RCSD1: variants seen among roughly 807,000 people sequenced by gnomAD.
RCSD1 encodes capZ-interacting protein.
RCSD1 carries 26 observed loss-of-function variants against 42.5 expected under a neutral mutation model. That is an observed-to-expected ratio of 0.61 (90% CI 0.45 to 0.85). The LOEUF (loss-of-function observed/expected upper bound fraction) is 0.85. Ranked by LOEUF, RCSD1 falls within the 40% of genes least tolerant of loss-of-function variation. The pLI is 0.00. For missense variants in RCSD1, 571 were observed against 528.3 expected (o/e 1.08, Z -0.79); for synonymous variants, 220 against 212.2 (o/e 1.04, Z -0.32).
Position 167,697,117 on chromosome 1 carries a change from A to G in RCSD1, c.493A>G (p.Ile165Val), listed in dbSNP as rs1193489592. 8.7e-6 allele frequency: 14 copies of G among 1,613,020 alleles called. No homozygotes were observed. The East Asian group carries it at 8.9e-5, about 10-fold the overall frequency. ...CYNKVRTRGS[I>V]KRRPPSRRFR... The stretch of plus-strand genomic sequence containing the variant: ...CTTCTAGGTGCGGACGAGGGGCTCA[A>G]TAAAAAGGCGCCCTCCCTCCAGGCG... Residue 165 changes from isoleucine to valine, a missense_variant, in exon 6 of 7, where the codon ATA becomes GTA. Physicochemically the swap from Ile to Val is conservative, Grantham distance 29 (BLOSUM62 3). Transcript: ENST00000367854.
rs549761487 is a variant in RCSD1 at position 167,672,334 on chromosome 1, T to C, written c.7-11566T>C. On this transcript the variant is annotated intron_variant, in intron 1 of 6. Transcript: ENST00000367854. ...ACCGACTGACTGTATTAGTTTCCTA[T>C]GGCTGCTGTGACAAATGTCCACCAA... 7.2e-5 allele frequency among the ~76,000 whole-genome samples: 11 copies of C among 152,348 alleles called. No individual in the cohort carries two copies. In the South Asian group the frequency reaches 2.3e-3, roughly 32 times the overall value.
At chr1:167,670,385 G>A (rs1441615941) in intron 1 of RCSD1, among the ~76,000 whole-genome samples, 2 of 148,354 alleles carry the variant, frequency 1.3e-5, no homozygotes, top group African/African-American at 5.0e-5. Context: ...CACTCGAGCT[G>A]TTCAGAGGCT....
At chr1:167,644,857 C>T (rs1009281560) in intron 1 of RCSD1, among the ~76,000 whole-genome samples, 2 of 152,260 alleles carry the variant, frequency 1.3e-5, no homozygotes, top group Non-Finnish European at 2.9e-5. Flanking sequence ...TGACATCAGT[C>T]CTGATCTTTC....
chr1:167,683,389 C>T (rs1659131230), intron 1 of RCSD1, among the ~76,000 whole-genome samples: 1 of 152,222 alleles, frequency 6.6e-6, no homozygotes, highest in Admixed American at 6.5e-5. Flanking sequence ...AGTTTGGCTC[C>T]CATCCACTGT....
chr1:167,674,840 T>C (rs1571695131), intron 1 of RCSD1, among the ~76,000 whole-genome samples: 1 of 152,218 alleles, frequency 6.6e-6, no homozygotes, highest in Non-Finnish European at 1.5e-5. Flanking sequence ...TTCCACTGTA[T>C]GGCTGTGTCA....
Position 167,652,070 on chromosome 1 carries a change from G to A in RCSD1, c.6+21641G>A, listed in dbSNP as rs567042020. On this transcript the variant is annotated intron_variant, in intron 1 of 6. Transcript: ENST00000367854. ...AGAGTCTTGCTCTGTCACCCAGGCT[G>A]GAGTGCAGTGGCACGATCTCAGCTC... Among the ~76,000 whole-genome samples, 5 of 148,870 alleles carry A rather than the reference G, an allele frequency of 3.4e-5. No homozygotes were observed. In the East Asian group the frequency reaches 9.9e-4, roughly 29 times the overall value.
Position 167,636,586 on chromosome 1 carries a change from T to G in RCSD1, c.6+6157T>G, listed in dbSNP as rs146529566. ...CATGCACTAGCTTCTTTTTGTTTTT[T>G]TTTGTTTGTTTGTTTGTTTTTAGAC... On this transcript the variant is annotated intron_variant, in intron 1 of 6. Coordinates refer to ENST00000367854, the MANE Select transcript of RCSD1 (RefSeq NM_052862.4). 2.7e-3 allele frequency among the ~76,000 whole-genome samples: 416 copies of G among 152,194 alleles called. 2 individuals are homozygous for G. Among genetic ancestry groups the G allele is most frequent in the African/African-American group, 7.6e-3 (317 of 41,522 alleles).
Position 167,690,139 on chromosome 1 carries a change from GTCTATTGCTACCTTTTA to G in RCSD1, c.270+24_270+40del. The G allele has an allele frequency of 1.2e-6, 2 of 1,611,762 alleles. No homozygotes were observed. Among genetic ancestry groups the G allele is most frequent in the Non-Finnish European group, 1.7e-6 (2 of 1,178,104 alleles). On this transcript the variant is annotated intron_variant, in intron 4 of 6. Coordinates refer to ENST00000367854, the MANE Select transcript of RCSD1 (RefSeq NM_052862.4). ...GCTTCAGGTAAGTGCAGAATTCATT[GTCTATTGCTACCTTTTA>G]TCTAACTCCACTTCTTATCCAAAAT... is the stretch of plus-strand genomic sequence containing the variant.
chr1:167,688,229 G>C (rs1345908370), intron 3 of RCSD1, among the ~76,000 whole-genome samples: 2 of 152,096 alleles, frequency 1.3e-5, no homozygotes, highest in Non-Finnish European at 2.9e-5. Flanking sequence ...TAAGGGGCAG[G>C]GTCCACTGAA....
In RCSD1 at chr1:167,630,389, G is replaced by C; in HGVS notation, c.-35G>C. The stretch of plus-strand genomic sequence containing the variant: ...ATCGTGAGCTCCGGCCCGGGCGAGC[G>C]GGTGCGTCTGCCGCAGAGTCGGCAC... On this transcript the variant is annotated 5_prime_UTR_variant, in exon 1 of 7. Transcript: ENST00000367854. The C allele has an allele frequency of 1.3e-6, 2 of 1,508,760 alleles. No homozygotes were observed. The highest frequency in any genetic ancestry group is 1.8e-6 in the Non-Finnish European group (2 of 1,124,184). 93.5% of individuals were successfully genotyped at this position (1,508,760 alleles called of 1,614,324 possible).
At chr1:167,681,300 T>C (rs1395955164) in intron 1 of RCSD1, among the ~76,000 whole-genome samples, 1 of 152,186 alleles carries the variant, frequency 6.6e-6, no homozygotes, top group African/African-American at 2.4e-5. Flanking sequence ...GTCACTTGCC[T>C]TCTCTGGGTT....
At chr1:167,676,224 AG>A (rs1413881475) in intron 1 of RCSD1, among the ~76,000 whole-genome samples, 1 of 152,232 alleles carries the variant, frequency 6.6e-6, no homozygotes, top group African/African-American at 2.4e-5. Context: ...GAACCCAGAC[AG>A]TCTGGCTCAA....
At chr1:167,649,060 G>A (rs1413489167) in intron 1 of RCSD1, among the ~76,000 whole-genome samples, 2 of 152,164 alleles carry the variant, frequency 1.3e-5, no homozygotes, top group Non-Finnish European at 2.9e-5. Flanking sequence ...AGAGATCTGT[G>A]CTCAGAACAC....
At chr1:167,660,555 G>A (rs1338972231) in intron 1 of RCSD1, among the ~76,000 whole-genome samples, 1 of 151,286 alleles carries the variant, frequency 6.6e-6, no homozygotes, top group African/African-American at 2.4e-5. Flanking sequence ...TTGAAGTCTT[G>A]GGCTCAAGTG....
At chr1:167,654,635 A>G (rs1280044260) in intron 1 of RCSD1, among the ~76,000 whole-genome samples, 1 of 152,184 alleles carries the variant, frequency 6.6e-6, no homozygotes, top group Non-Finnish European at 1.5e-5. Flanking sequence ...TTGATTATTT[A>G]GTAGGTAGTA....
At chr1:167,658,763 C>G (rs569088716) in intron 1 of RCSD1, among the ~76,000 whole-genome samples, 1 of 152,068 alleles carries the variant, frequency 6.6e-6, no homozygotes, top group African/African-American at 2.4e-5. Flanking sequence ...TCCTAATAAC[C>G]TGTTATGTGG....
At position 167,636,772 on chromosome 1, in the gene RCSD1, G is replaced by A. The variant is rs144605880; in HGVS notation, c.6+6343G>A. ...CGGCTAATTTTGTGTTTTTAGTAGA[G>A]ATGAGGTTTCACCATGTTGGTCAGG... On this transcript the variant is annotated intron_variant, in intron 1 of 6. Transcript: ENST00000367854. Among the ~76,000 whole-genome samples the A allele has an allele frequency of 4.9e-3, 751 of 152,156 alleles. 11 individuals carry two copies. The highest frequency in any genetic ancestry group is 0.017 in the African/African-American group (714 of 41,502).
intron 4 of RCSD1, among the ~76,000 whole-genome samples, chr1:167,691,432 T>C (rs1358161826): frequency 6.6e-6 from 1 of 152,206 alleles, no homozygotes; most frequent in African/African-American, 2.4e-5. Context: ...CGTGGGGGAA[T>C]GGCAGAAGCT....
At chr1:167,688,851 CCCT>C (rs1407579525) in intron 3 of RCSD1, among the ~76,000 whole-genome samples, 1 of 152,154 alleles carries the variant, frequency 6.6e-6, no homozygotes, top group Non-Finnish European at 1.5e-5. Context: ...ATGGGGAGAT[CCCT>C]CCTCTGCCTT....
Sources: gnomAD v4.1 joint callset for allele counts (sites outside exome capture counted in the v4.1 genomes callset) on GRCh38, gnomAD v4.1.1 for gene constraint, MANE v1.5 for transcripts, NCBI Gene and HGNC (gene_info 2026-07-23, HGNC 2026-07-21) for gene names.